The following CIRSR variants were observed in gnomAD, a reference collection of about 807,000 sequenced individuals.
CIRSR encodes corepressor of RBPJ and splicing regulator.
chr2:174,353,332 T>C, the CIRSR span, among the ~76,000 whole-genome samples: 1 of 152,244 alleles, frequency 6.6e-6, no homozygotes, highest in Non-Finnish European at 1.5e-5. Context: ...TTAATTCCTA[T>C]GTATTACTTT....
chr2:174,392,076 C>T, the CIRSR span, among the ~76,000 whole-genome samples: 1 of 152,176 alleles, frequency 6.6e-6, no homozygotes, highest in Non-Finnish European at 1.5e-5. Context: ...TGGCTCACTG[C>T]AATCTCCGCC....
At chr2:174,376,004 C>A in the CIRSR span, among the ~76,000 whole-genome samples, 3 of 152,146 alleles carry the variant, frequency 2.0e-5, no homozygotes, top group African/African-American at 7.2e-5. Flanking sequence ...ACTACAGGTG[C>A]AGACCACCAA....
the CIRSR span, among the ~76,000 whole-genome samples, chr2:174,374,778 C>G: frequency 6.6e-6 from 1 of 152,184 alleles, no homozygotes; most frequent in Non-Finnish European, 1.5e-5. Flanking sequence ...AAGGTTATTC[C>G]TTTTGCCTAA....
At chr2:174,388,565 A>C in the CIRSR span, among the ~76,000 whole-genome samples, 13 of 152,216 alleles carry the variant, frequency 8.5e-5, no homozygotes, top group South Asian at 2.5e-3. Context: ...AATTATATTA[A>C]CTATATTCAT....
chr2:174,389,613 G>A, the CIRSR span, among the ~76,000 whole-genome samples: 2 of 152,200 alleles, frequency 1.3e-5, no homozygotes, highest in Non-Finnish European at 1.5e-5. Flanking sequence ...GCAGAAATTT[G>A]CATAAATAAT....
the CIRSR span, among the ~76,000 whole-genome samples, chr2:174,359,208 G>A: frequency 6.6e-6 from 1 of 152,082 alleles, no homozygotes; most frequent in East Asian, 1.9e-4. Context: ...AAGGCAGCCT[G>A]GAAAAGGACA....
the CIRSR span, among the ~76,000 whole-genome samples, chr2:174,360,924 TG>T: frequency 1.3e-5 from 2 of 152,344 alleles, no homozygotes; most frequent in South Asian, 4.1e-4. Context: ...TGAAGTACTA[TG>T]ACTGGACAAG....
the CIRSR span, among the ~76,000 whole-genome samples, chr2:174,389,873 G>A: frequency 6.6e-6 from 1 of 152,210 alleles, no homozygotes; most frequent in Middle Eastern, 3.2e-3. Flanking sequence ...TCCATGTGAT[G>A]TTGGGCCTAC....
At chr2:174,361,787 G>A in the CIRSR span, among the ~76,000 whole-genome samples, 8 of 152,102 alleles carry the variant, frequency 5.3e-5, no homozygotes, top group East Asian at 5.8e-4. Flanking sequence ...AAACATTTGA[G>A]GCATTAAGTC....
chr2:174,381,051 T>C, the CIRSR span, among the ~76,000 whole-genome samples: 1 of 152,164 alleles, frequency 6.6e-6, no homozygotes, highest in African/African-American at 2.4e-5. Context: ...TCACTGTTCA[T>C]TGACAGTGAA....
chr2:174,387,164 T>C, the CIRSR span: 1 of 152,240 alleles, frequency 6.6e-6, no homozygotes, highest in Admixed American at 6.5e-5. Context: ...AACACCACTA[T>C]TCAGTGGCTT....
chr2:174,384,419 G>A, the CIRSR span, among the ~76,000 whole-genome samples: 47 of 152,266 alleles, frequency 3.1e-4, no homozygotes, highest in African/African-American at 1.0e-3. Flanking sequence ...CAAAGTTTCT[G>A]TTTGAGATAA....
chr2:174,369,494 T>G, the CIRSR span, among the ~76,000 whole-genome samples: 2 of 152,244 alleles, frequency 1.3e-5, no homozygotes, highest in African/African-American at 4.8e-5. Flanking sequence ...AACTTTCCCT[T>G]TGCATTCACA....
At chr2:174,351,932 G>A in the CIRSR span, 8 of 408,922 alleles carry the variant, frequency 2.0e-5, no homozygotes, top group Admixed American at 4.4e-5. Context: ...TTTTCTTTAC[G>A]TGCAAGGGGA....
the CIRSR span, among the ~76,000 whole-genome samples, chr2:174,356,493 C>T: frequency 1.3e-4 from 16 of 125,100 alleles, no homozygotes; most frequent in Admixed American, 3.8e-4. Flanking sequence ...AAAAGACAGA[C>T]GGGAAGGAAG....
At chr2:174,362,273 T>A in the CIRSR span, among the ~76,000 whole-genome samples, 1 of 151,962 alleles carries the variant, frequency 6.6e-6, no homozygotes, top group African/African-American at 2.4e-5. Context: ...GCCACTGCAC[T>A]CCGGCCTGGG....
At chr2:174,356,517 A>G in the CIRSR span, among the ~76,000 whole-genome samples, 1 of 91,696 alleles carries the variant, frequency 1.1e-5, no homozygotes, top group Admixed American at 1.3e-4. Context: ...GGAAGGAAGA[A>G]AGAAAGAAAG....
the CIRSR span, among the ~76,000 whole-genome samples, chr2:174,358,856 G>A: frequency 1.3e-5 from 2 of 152,112 alleles, no homozygotes; most frequent in Non-Finnish European, 2.9e-5. Flanking sequence ...GGGATTACAG[G>A]TGCACGCCAC....
At chr2:174,379,716 C>CTTTTTTTTTTTTT in the CIRSR span, among the ~76,000 whole-genome samples, 1 of 83,718 alleles carries the variant, frequency 1.2e-5, no homozygotes, top group African/African-American at 4.5e-5. Flanking sequence ...TGATTCCTGT[C>CTTTTTTTTTTTTT]TTTTTTTTTT....
Sources: allele counts gnomAD v4.1 joint callset (sites outside exome capture counted in the v4.1 genomes callset), GRCh38; gene constraint gnomAD v4.1.1; transcripts MANE v1.5; gene names NCBI Gene and HGNC (gene_info 2026-07-23, HGNC 2026-07-21).